The following VGLL4 variants were observed in gnomAD, a reference collection of about 807,000 sequenced individuals.
The protein encoded by VGLL4 is transcription cofactor vestigial-like protein 4.
Under a neutral mutation model 21.0 loss-of-function variants are expected in VGLL4, and 7 were observed. The observed-to-expected ratio is 0.33, with a 90% CI of 0.19 to 0.63. The LOEUF (loss-of-function observed/expected upper bound fraction) is 0.63, where lower values mean the gene tolerates loss of function less well. VGLL4 is among the 20% of genes least tolerant of loss of function. The probability of loss-of-function intolerance (pLI) is 0.78; values close to 1 mark genes in which losing one functional copy is unlikely to be tolerated. For synonymous variants in VGLL4, 222 were observed against 173.2 expected, an observed-to-expected ratio of 1.28 and a Z score of -2.21; for missense variants, 394 against 425.7, an observed-to-expected ratio of 0.93 and a Z score of 0.66.
intron 2 of VGLL4, among the ~76,000 whole-genome samples, chr3:11,690,819 T>C (rs911715914): frequency 6.6e-6 from 1 of 152,164 alleles, no homozygotes; most frequent in Non-Finnish European, 1.5e-5. Flanking sequence ...TTAAGTTTGA[T>C]TTTTTCAAGC....
rs969791962 is a variant in VGLL4, at chr3:11,565,140, C to T, written c.273-121G>A. ...TTACCCTGAAGCTCAGGTCGTGTGGCTGGGCAGCACGATGAGGAGCCGGTT... is the reference window on the plus strand; with the variant it reads ...TTACCCTGAAGCTCAGGTCGTGTGGTTGGGCAGCACGATGAGGAGCCGGTT... On this transcript the variant is annotated intron_variant, in intron 2 of 4. Coordinates refer to ENST00000430365, the MANE Select transcript of VGLL4 (RefSeq NM_001128219.3). The surrounding 1 kb of genome is among the most constrained non-coding windows in gnomAD (Gnocchi z 4.1). The T allele has an allele frequency of 6.8e-6, 7 of 1,024,286 alleles. No homozygotes were observed. The highest frequency in any genetic ancestry group is 7.8e-6 in the Non-Finnish European group (6 of 768,828). The allele number at this position is 1,024,286 out of a possible 1,614,324, so 63.4% of individuals were successfully genotyped here. A position where few individuals can be genotyped will look rare whatever the true frequency, so the allele number is the denominator to read the frequency against.
chr3:11,568,537 A>C lies in VGLL4; in HGVS notation c.273-3518T>G. On this transcript the variant is annotated intron_variant, in intron 2 of 4. Transcript: ENST00000430365. This position sits in a 1 kb window ranked among gnomAD's most constrained non-coding sequence, Gnocchi z 5.9. Reference sequence around the variant, plus strand: ...TGGGCACTATGGGTCAGACAAAGACACTGAAAACAGCGAGAAAAGGCCTGG... The same window carrying C: ...TGGGCACTATGGGTCAGACAAAGACCCTGAAAACAGCGAGAAAAGGCCTGG... 7 of 1,546,904 alleles carry C rather than the reference A, an allele frequency of 4.5e-6. No homozygotes were observed. Among genetic ancestry groups the C allele is most frequent in the Non-Finnish European group, 6.1e-6 (7 of 1,142,590 alleles).
Position 11,558,646 on chromosome 3 carries a change from G to T in VGLL4, c.801C>A (p.Ser267Arg). The change falls in exon 5 of 5, where the codon AGC (serine) becomes AGA (arginine). Residue 267 changes from serine (S) to arginine (R), a missense_variant. Coordinates refer to ENST00000430365, the MANE Select transcript of VGLL4 (RefSeq NM_001128219.3). ...QIKAAKDGAS[S>R]SPESASRRGQ... ...CCCTGCGAGAGGCGGACTCAGGGCTGCTGGATGCTCCGTCCTTGGCCGCTT... is the reference window on the plus strand; with the variant it reads ...CCCTGCGAGAGGCGGACTCAGGGCTTCTGGATGCTCCGTCCTTGGCCGCTT... 6.2e-7 allele frequency: 1 copy of T among 1,611,636 alleles called. No homozygotes were observed.
At chr3:11,671,408 G>T in intron 2 of VGLL4, 1 of 818,786 alleles carries the variant, frequency 1.2e-6, no homozygotes, top group Non-Finnish European at 2.1e-6. Flanking sequence ...TGGGCCACAT[G>T]TAAGTAACAA....
At chr3:11,637,935 C>T (rs531069430) in intron 1 of VGLL4, among the ~76,000 whole-genome samples, 2 of 152,266 alleles carry the variant, frequency 1.3e-5, no homozygotes, top group East Asian at 3.9e-4. Flanking sequence ...CTTCAATGTG[C>T]AATAATAAAT....
intron 1 of VGLL4, among the ~76,000 whole-genome samples, chr3:11,617,153 G>A (rs1249507743): frequency 1.3e-5 from 2 of 152,116 alleles, no homozygotes; most frequent in Non-Finnish European, 2.9e-5. Context: ...AACTCTAACA[G>A]GAGTGGGATT....
At chr3:11,720,646 G>C (rs931353478) in exon 1 of VGLL4, 2 of 152,350 alleles carry the variant, frequency 1.3e-5, no homozygotes, top group Non-Finnish European at 2.9e-5. Flanking sequence ...TGGGAGGGAG[G>C]GAGATCGGAG....
At chr3:11,591,273 C>A (rs1346025785) in intron 2 of VGLL4, among the ~76,000 whole-genome samples, 1 of 152,210 alleles carries the variant, frequency 6.6e-6, no homozygotes, top group Admixed American at 6.5e-5. Flanking sequence ...AATAGGCGTT[C>A]CTCTTTGAGA....
intron 1 of VGLL4, 125 bp from the exon 2 acceptor site, chr3:11,602,147 G>T: frequency 1.2e-6 from 1 of 828,282 alleles, no homozygotes; most frequent in Non-Finnish European, 1.7e-6. Context: ...TTTGGCAATG[G>T]GACGGGGCCG....
chr3:11,691,134 G>A (rs2076520941), intron 2 of VGLL4, among the ~76,000 whole-genome samples: 1 of 151,524 alleles, frequency 6.6e-6, no homozygotes, highest in Non-Finnish European at 1.5e-5. Context: ...TATGGTGAGG[G>A]AGGGAGAGTA....
intron 1 of VGLL4, among the ~76,000 whole-genome samples, chr3:11,703,425 C>G (rs36068197): frequency 0.028 from 4,203 of 152,318 alleles, 85 homozygotes; most frequent in Middle Eastern, 0.044. Context: ...CACAGCATCA[C>G]TACCAGTGAG....
rs1293980170 is a variant in VGLL4 at position 11,565,524 on chromosome 3, A to C, written c.273-505T>G. 6.6e-6 allele frequency among the ~76,000 whole-genome samples: 1 copy of C among 152,168 alleles called. No homozygotes were observed. The highest frequency in any genetic ancestry group is 1.5e-5 in the Non-Finnish European group (1 of 68,018). The stretch of plus-strand genomic sequence containing the variant: ...ACAGCACTAAGCAGGCAATGCTGCC[A>C]CCATCCCCTTTCCAGACCAGAACCC... On this transcript the variant is annotated intron_variant, in intron 2 of 4. Coordinates refer to ENST00000430365, the MANE Select transcript of VGLL4 (RefSeq NM_001128219.3). The surrounding 1 kb of genome is among the most constrained non-coding windows in gnomAD (Gnocchi z 4.1).
At chr3:11,670,420 G>A (rs148872896) in intron 2 of VGLL4, among the ~76,000 whole-genome samples, 2,201 of 152,172 alleles carry the variant, frequency 0.014, 20 homozygotes, top group Middle Eastern at 0.048. Flanking sequence ...GAATGTTTTC[G>A]TCTCTAGAGA....
intron 1 of VGLL4, chr3:11,626,523 C>A: frequency 2.3e-6 from 1 of 430,548 alleles, no homozygotes; most frequent in Non-Finnish European, 4.6e-6. Flanking sequence ...CCTTGAAAGG[C>A]AGTAATATTT....
rs1444692553 is a variant in VGLL4 at position 11,670,494 on chromosome 3, ACTT to A, written c.64+32474_64+32476del. Among the ~76,000 whole-genome samples, 7 of 152,252 alleles carry A rather than the reference ACTT, an allele frequency of 4.6e-5. No individual in the cohort carries two copies. In the East Asian group the frequency reaches 1.4e-3, roughly 29 times the overall value. On this transcript the variant is annotated intron_variant, in intron 2 of 5. Transcript: ENST00000273038. ...TTTTGGGAGGTATGCACGCAGCTCT[ACTT>A]AAGATTTGATTGAATGAAGTCACAC...
chr3:11,606,417 A>G (rs543313793), intron 1 of VGLL4, among the ~76,000 whole-genome samples: 1 of 152,372 alleles, frequency 6.6e-6, no homozygotes, highest in South Asian at 2.1e-4. Flanking sequence ...TATGATCAAA[A>G]GACAATACAA....
At chr3:11,613,015 CCTGGT>C (rs2075091868) in intron 1 of VGLL4, among the ~76,000 whole-genome samples, 1 of 151,794 alleles carries the variant, frequency 6.6e-6, no homozygotes, top group Non-Finnish European at 1.5e-5. Context: ...CAATTTCCTC[CCTGGT>C]AGAGCTTATA....
chr3:11,574,437 C>T (rs1387619907), intron 2 of VGLL4, among the ~76,000 whole-genome samples: 3 of 152,094 alleles, frequency 2.0e-5, no homozygotes, highest in African/African-American at 7.2e-5. Context: ...GCTGGGCAGG[C>T]CAAGTCAGCC....
At chr3:11,655,872 G>C (rs1032514150) in intron 2 of VGLL4, among the ~76,000 whole-genome samples, 1 of 152,190 alleles carries the variant, frequency 6.6e-6, no homozygotes, top group African/African-American at 2.4e-5. Context: ...TCACATCCGT[G>C]CTGTTTTGCC....
Sources: gnomAD v4.1 joint callset for allele counts (sites outside exome capture counted in the v4.1 genomes callset) on GRCh38, gnomAD v4.1.1 for gene constraint, Gnocchi (gnomAD v3.1) non-coding constraint, MANE v1.5 for transcripts, NCBI Gene and HGNC (gene_info 2026-07-23, HGNC 2026-07-21) for gene names.